Variants in SMAP2 observed in about 807,000 individuals in gnomAD.
SMAP2 encodes stromal membrane-associated protein 2.
SMAP2 carries 25 observed loss-of-function variants against 56.4 expected under a neutral mutation model. That is an observed-to-expected ratio of 0.44 (90% CI 0.32 to 0.62). SMAP2 has a LOEUF of 0.62. Ranked by LOEUF, SMAP2 falls within the 20% of genes least tolerant of loss-of-function variation. The probability of loss-of-function intolerance (pLI) is 0.04; values close to 1 mark genes in which losing one functional copy is unlikely to be tolerated. For missense variants in SMAP2, 388 were observed against 545.6 expected (o/e 0.71, Z 2.88); for synonymous variants, 157 against 181.7 (o/e 0.86, Z 1.09).
In SMAP2 at chr1:40,420,746, C is replaced by T. The variant is rs568057426; in HGVS notation, c.1165-1230C>T. On this transcript the variant is annotated intron_variant, in intron 9 of 9. Coordinates refer to ENST00000372718, the MANE Select transcript of SMAP2 (RefSeq NM_022733.3). ...GAATCTTGCCAAAAATATTGAACCT[C>T]GATCCAATTATGAGAAAACATGAGA... Among the ~76,000 whole-genome samples the T allele has an allele frequency of 6.6e-5, 10 of 152,266 alleles. 1 individual carries two copies. Among genetic ancestry groups the T allele is most frequent in the South Asian group, 6.2e-4 (3 of 4,826 alleles).
At chr1:40,407,565 A>G (rs1363147463) in intron 2 of SMAP2, among the ~76,000 whole-genome samples, 1 of 152,236 alleles carries the variant, frequency 6.6e-6, no homozygotes, top group Non-Finnish European at 1.5e-5. Flanking sequence ...TTTTATTACT[A>G]AAATGCATAC....
chr1:40,394,694 A>G (rs567002699), intron 1 of SMAP2, among the ~76,000 whole-genome samples: 1 of 152,310 alleles, frequency 6.6e-6, no homozygotes, highest in African/African-American at 2.4e-5. Context: ...ACTACCACCA[A>G]GAGCACTGCA....
Position 40,417,019 on chromosome 1 carries a change from A to C in SMAP2, c.1087A>C (p.Met363Leu), listed in dbSNP as rs758954009. ...GMMTTQQAGY[M>L]AGMAAMPQTV... Reference sequence around the variant, plus strand: ...GATGACCACCCAGCAGGCTGGCTACATGGCAGGCATGGCAGCTATGCCCCA... The same window carrying C: ...GATGACCACCCAGCAGGCTGGCTACCTGGCAGGCATGGCAGCTATGCCCCA... The change falls in exon 9 of 10, where the codon ATG becomes CTG. Residue 363 changes from methionine (M) to leucine (L), a missense_variant. Met to Leu is a conservative substitution (Grantham distance 15). Coordinates refer to ENST00000372718, the MANE Select transcript of SMAP2 (RefSeq NM_022733.3). 6.8e-6 allele frequency: 11 copies of C among 1,613,968 alleles called. No individual in the cohort carries two copies. The highest frequency in any genetic ancestry group is 1.7e-5 in the Admixed American group (1 of 59,992).
At chr1:40,351,356 G>A (rs1424307118) in intron 1 of SMAP2, among the ~76,000 whole-genome samples, 2 of 152,186 alleles carry the variant, frequency 1.3e-5, no homozygotes, top group Admixed American at 1.3e-4. Context: ...TGGACAAGAA[G>A]ATAGAATCTC....
intron 1 of SMAP2, among the ~76,000 whole-genome samples, chr1:40,404,386 A>G (rs956584379): frequency 1.3e-5 from 2 of 152,166 alleles, no homozygotes; most frequent in Admixed American, 1.3e-4. Flanking sequence ...AGTTGCCTGT[A>G]TTTCTGTACT....
intron 1 of SMAP2, among the ~76,000 whole-genome samples, chr1:40,405,067 G>A (rs1239293849): frequency 6.6e-6 from 1 of 151,826 alleles, no homozygotes; most frequent in Admixed American, 6.6e-5. Context: ...TGCAGTATTT[G>A]CGATAGTAAA....
rs1644528446 is a variant in SMAP2 at position 40,374,950 on chromosome 1, T to C, written c.103+727T>C. Reference sequence around the variant, plus strand: ...ATTATGCCTGTAGTGCAGGATCCGTTTAATCAGTGGAGAGAGAAAGATGAA... The same window carrying C: ...ATTATGCCTGTAGTGCAGGATCCGTCTAATCAGTGGAGAGAGAAAGATGAA... On this transcript the variant is annotated intron_variant, in intron 1 of 9. Coordinates refer to ENST00000372718, the MANE Select transcript of SMAP2 (RefSeq NM_022733.3). This position sits in a 1 kb window ranked among gnomAD's most constrained non-coding sequence, Gnocchi z 5.9. 5.1e-6 allele frequency: 5 copies of C among 985,372 alleles called. No homozygotes were observed. The highest frequency in any genetic ancestry group is 6.0e-6 in the Non-Finnish European group (5 of 829,912). The allele number at this position is 985,372 out of a possible 1,614,324, so 61.0% of individuals were successfully genotyped here. A position where few individuals can be genotyped will look rare whatever the true frequency, so the allele number is the denominator to read the frequency against.
intron 1 of SMAP2, among the ~76,000 whole-genome samples, chr1:40,391,524 C>G (rs1187871668): frequency 2.6e-5 from 4 of 151,964 alleles, no homozygotes; most frequent in Admixed American, 2.6e-4. Flanking sequence ...AGATAGCAAC[C>G]TAGGAAGGCC....
At chr1:40,388,455 A>G (rs1024550884) in intron 1 of SMAP2, among the ~76,000 whole-genome samples, 1 of 152,146 alleles carries the variant, frequency 6.6e-6, no homozygotes, top group African/African-American at 2.4e-5. Context: ...TGAATGCACC[A>G]ATCGACACTC....
intron 4 of SMAP2, among the ~76,000 whole-genome samples, chr1:40,410,481 C>T (rs539315692): frequency 6.6e-6 from 1 of 151,760 alleles, no homozygotes; most frequent in South Asian, 2.1e-4. Context: ...GATATATACA[C>T]ACATATATAC....
At chr1:40,357,085 G>C (rs1317068377) in intron 1 of SMAP2, among the ~76,000 whole-genome samples, 1 of 151,970 alleles carries the variant, frequency 6.6e-6, no homozygotes, top group Non-Finnish European at 1.5e-5. Flanking sequence ...CAGATGAATG[G>C]TTTGCACATT....
intron 1 of SMAP2, among the ~76,000 whole-genome samples, chr1:40,382,133 T>C (rs1407682665): frequency 6.6e-6 from 1 of 152,208 alleles, no homozygotes; most frequent in Admixed American, 6.5e-5. Flanking sequence ...TTTTTCTGCA[T>C]TTTTCATCTG....
At chr1:40,412,791 C>T (rs905128624) in intron 4 of SMAP2, among the ~76,000 whole-genome samples, 3 of 152,124 alleles carry the variant, frequency 2.0e-5, no homozygotes, top group South Asian at 2.1e-4. Context: ...GTTAGGAGGG[C>T]GGGCGCCTAA....
At chr1:40,358,509 A>G (rs1475026065) in intron 1 of SMAP2, among the ~76,000 whole-genome samples, 2 of 152,126 alleles carry the variant, frequency 1.3e-5, no homozygotes, top group Admixed American at 1.3e-4. Context: ...ACACCATTGC[A>G]CTCTAGACTG....
At position 40,353,551 on chromosome 1, in the gene SMAP2, G is replaced by A. The variant is rs1007855111; in HGVS notation, c.-83+8641G>A. 5.3e-5 allele frequency among the ~76,000 whole-genome samples: 8 copies of A among 152,086 alleles called. No homozygotes were observed. The South Asian group carries it at 1.5e-3, about 28-fold the overall frequency. On this transcript the variant is annotated intron_variant, in intron 1 of 6. Coordinates refer to the SMAP2 transcript ENST00000435168. ...GCCCGGCTAATTTTTTGTATTTTTA[G>A]TAGAGATGGGTTTTCACCATGTTGG...
intron 9 of SMAP2, among the ~76,000 whole-genome samples, chr1:40,419,073 T>G (rs900040100): frequency 5.3e-5 from 8 of 151,608 alleles, no homozygotes; most frequent in African/African-American, 1.7e-4. Context: ...CAACTGAAAA[T>G]GAAGGAGGAG....
intron 2 of SMAP2, 143 bp downstream of exon 2, chr1:40,407,012 A>G (rs1644891886): frequency 1.2e-6 from 1 of 818,412 alleles, no homozygotes; most frequent in Admixed American, 3.2e-5. Context: ...CTTGTACCCT[A>G]ACAGAAATTT....
Position 40,386,524 on chromosome 1 carries a change from C to T in SMAP2, c.103+12301C>T, listed in dbSNP as rs1199854164. On this transcript the variant is annotated intron_variant, in intron 1 of 9. Coordinates refer to ENST00000372718, the MANE Select transcript of SMAP2 (RefSeq NM_022733.3). The surrounding 1 kb of genome is among the most constrained non-coding windows in gnomAD (Gnocchi z 4.1). ...TTCTAACTTGTTCTGAGCCTAGTCTCGACAGAAGTAGCCTGACACAAGTGG... is the reference window on the plus strand; with the variant it reads ...TTCTAACTTGTTCTGAGCCTAGTCTTGACAGAAGTAGCCTGACACAAGTGG... Among the ~76,000 whole-genome samples the T allele has an allele frequency of 6.6e-6, 1 of 152,126 alleles. No individual in the cohort carries two copies. Among genetic ancestry groups the T allele is most frequent in the African/African-American group, 2.4e-5 (1 of 41,410 alleles).
At chr1:40,355,867 C>T (rs1254911653) in intron 1 of SMAP2, among the ~76,000 whole-genome samples, 1 of 152,106 alleles carries the variant, frequency 6.6e-6, no homozygotes, top group African/African-American at 2.4e-5. Context: ...GCCTCAGCCC[C>T]CCCAAAATGC....
Sources: allele counts gnomAD v4.1 joint callset (sites outside exome capture counted in the v4.1 genomes callset), GRCh38; gene constraint gnomAD v4.1.1; non-coding constraint Gnocchi (gnomAD v3.1); transcripts MANE v1.5; gene names NCBI Gene and HGNC (gene_info 2026-07-23, HGNC 2026-07-21).